ANKRD17: variants seen among roughly 807,000 people sequenced by gnomAD.
The protein encoded by ANKRD17 is ankyrin repeat domain 17.
Under a neutral mutation model 229.7 loss-of-function variants are expected in ANKRD17, and 19 were observed. The observed-to-expected ratio is 0.08, with a 90% CI of 0.06 to 0.12. The LOEUF is 0.12. Ranked by LOEUF, ANKRD17 falls within the 10% of genes least tolerant of loss-of-function variation. The pLI, the probability that ANKRD17 is intolerant of heterozygous loss-of-function variation, is 1.00. For synonymous variants in ANKRD17, 1,112 were observed against 1,146.1 expected, an observed-to-expected ratio of 0.97 and a Z score of 0.60; for missense variants, 2,176 against 3,176.8, an observed-to-expected ratio of 0.68 and a Z score of 7.57.
intron 29 of ANKRD17, among the ~76,000 whole-genome samples, chr4:73,088,136 A>T (rs113338731): frequency 1.3e-5 from 2 of 152,158 alleles, no homozygotes; most frequent in African/African-American, 4.8e-5. Flanking sequence ...TCAAAATACA[A>T]ACTATAAAAA....
intron 1 of ANKRD17, among the ~76,000 whole-genome samples, chr4:73,192,897 T>C (rs536360517): frequency 1.3e-5 from 2 of 152,274 alleles, no homozygotes; most frequent in East Asian, 3.9e-4. Flanking sequence ...TATGTTCTCT[T>C]CTTTTAATTC....
At chr4:73,208,081 C>T (rs966214614) in intron 1 of ANKRD17, among the ~76,000 whole-genome samples, 10 of 150,854 alleles carry the variant, frequency 6.6e-5, no homozygotes, top group African/African-American at 2.0e-4. Flanking sequence ...CCCAGCTACT[C>T]CGGAGGCTGA....
chr4:73,114,453 T>C (rs554129210), intron 23 of ANKRD17, among the ~76,000 whole-genome samples: 11 of 152,218 alleles, frequency 7.2e-5, no homozygotes, highest in East Asian at 3.9e-4. Context: ...AAAATTTTTA[T>C]TTATTTAATT....
intron 1 of ANKRD17, among the ~76,000 whole-genome samples, chr4:73,197,470 A>C (rs1213288353): frequency 1.3e-5 from 2 of 152,210 alleles, no homozygotes; most frequent in African/African-American, 2.4e-5. Flanking sequence ...TGTAATACAA[A>C]TACTAGCACA....
intron 1 of ANKRD17, among the ~76,000 whole-genome samples, chr4:73,220,379 T>A (rs1383334464): frequency 2.6e-5 from 4 of 152,150 alleles, no homozygotes; most frequent in Admixed American, 6.5e-5. Context: ...ATTATTTGAA[T>A]AAATGAAATA....
intron 6 of ANKRD17, among the ~76,000 whole-genome samples, chr4:73,153,633 G>T (rs1202532687): frequency 6.6e-6 from 1 of 152,040 alleles, no homozygotes; most frequent in Non-Finnish European, 1.5e-5. Flanking sequence ...CATATTAAAA[G>T]AACTGTTTCT....
rs532820932 is a variant in ANKRD17 at position 73,136,324 on chromosome 4, C to G, written c.3086-1059G>C. On this transcript the variant is annotated intron_variant, in intron 15 of 33. Coordinates refer to ENST00000358602, the MANE Select transcript of ANKRD17 (RefSeq NM_032217.5). Reference sequence around the variant, plus strand: ...TCAGACAGAAAACAATCATGATTCACAACTGGATCTGAAACCAGGCAAAAG... The same window carrying G: ...TCAGACAGAAAACAATCATGATTCAGAACTGGATCTGAAACCAGGCAAAAG... Among the ~76,000 whole-genome samples the G allele has an allele frequency of 1.0e-3, 153 of 152,178 alleles. 2 individuals are homozygous for G. The highest frequency in any genetic ancestry group is 3.5e-3 in the African/African-American group (147 of 41,534).
rs1339766863 is a variant in ANKRD17 at position 73,098,464 on chromosome 4, T to A, written c.4630A>T (p.Ile1544Leu). The A allele has an allele frequency of 6.2e-7, 1 of 1,614,146 alleles. No individual in the cohort carries two copies. Among genetic ancestry groups the A allele is most frequent in the East Asian group, 2.2e-5 (1 of 44,880 alleles). The change falls in exon 26 of 34, where the codon ATA (isoleucine) becomes TTA (leucine). Residue 1544 changes from isoleucine to leucine, a missense_variant. By Grantham distance (5) the Ile-to-Leu change is conservative (BLOSUM62 2). Coordinates refer to ENST00000358602, the MANE Select transcript of ANKRD17 (RefSeq NM_032217.5). ...GCCAAAGTTGTCCAGGTTGCAGATA[T>A]ACCTATGGTAGTAGTGGTTGTGGCA... Reference protein sequence around the residue: ...PSATTTTTIGISATWTTLAGS... With the variant: ...PSATTTTTIGLSATWTTLAGS...
At chr4:73,076,798 T>C in intron 33 of ANKRD17, 142 bp downstream of exon 33, 1 of 1,024,586 alleles carries the variant, frequency 9.8e-7, no homozygotes, top group Non-Finnish European at 1.4e-6. Context: ...CACAGCCCTC[T>C]GCTATATTGC....
Position 73,120,929 on chromosome 4 carries a change from C to G in ANKRD17, c.3801G>C (p.Val1267=). ...CTTTTCTATCAAGCAGAAGACTAAC[C>G]ACTTCAGTTCTTCCTTGGAAGCAGG... ...TLACFQGRTE[V]VSLLLDRKAN... is the part of the protein sequence containing the mutation. Residue 1267 remains valine, a synonymous_variant, in exon 20 of 34, where the codon GTG becomes GTC. Transcript: ENST00000358602. 6.2e-7 allele frequency: 1 copy of G among 1,613,450 alleles called. No homozygotes were observed. The highest frequency in any genetic ancestry group is 8.5e-7 in the Non-Finnish European group (1 of 1,179,812).
chr4:73,220,166 G>T (rs1346819329), intron 1 of ANKRD17, among the ~76,000 whole-genome samples: 1 of 152,048 alleles, frequency 6.6e-6, no homozygotes, highest in East Asian at 1.9e-4. Context: ...TTACAGGAAG[G>T]TCATCAAAAT....
intron 1 of ANKRD17, among the ~76,000 whole-genome samples, chr4:73,230,610 C>T (rs1335439192): frequency 2.0e-5 from 3 of 152,102 alleles, no homozygotes; most frequent in Non-Finnish European, 4.4e-5. Context: ...TCCCATTCTT[C>T]TCTAATCCAA....
At chr4:73,211,320 A>G (rs1740222368) in intron 1 of ANKRD17, among the ~76,000 whole-genome samples, 1 of 152,160 alleles carries the variant, frequency 6.6e-6, no homozygotes, top group Non-Finnish European at 1.5e-5. Flanking sequence ...ATAACAGGGT[A>G]TTAGGATACA....
At chr4:73,205,051 T>G (rs1055627854) in intron 1 of ANKRD17, among the ~76,000 whole-genome samples, 1 of 152,108 alleles carries the variant, frequency 6.6e-6, no homozygotes, top group Non-Finnish European at 1.5e-5. Context: ...GGGTGGCTCA[T>G]GCTTGTAATC....
rs568355911 is a variant in ANKRD17 at position 73,137,744 on chromosome 4, G to C, written c.3085+1787C>G. On this transcript the variant is annotated intron_variant, in intron 15 of 33. Coordinates refer to ENST00000358602, the MANE Select transcript of ANKRD17 (RefSeq NM_032217.5). Reference sequence around the variant, plus strand: ...CATAATAAAAAAGTAAAATATTTTTGTATTATGACAAGCATCTGTCATATT... The same window carrying C: ...CATAATAAAAAAGTAAAATATTTTTCTATTATGACAAGCATCTGTCATATT... 1.5e-4 allele frequency among the ~76,000 whole-genome samples: 23 copies of C among 152,136 alleles called. No individual in the cohort carries two copies. In the East Asian group the frequency reaches 4.3e-3, roughly 28 times the overall value.
chr4:73,191,275 TCAA>T (rs1737031101), intron 1 of ANKRD17, among the ~76,000 whole-genome samples: 1 of 150,546 alleles, frequency 6.6e-6, no homozygotes. Flanking sequence ...GACATACTGC[TCAA>T]CAAACTATTT....
At chr4:73,211,678 C>A (rs1266898798) in intron 1 of ANKRD17, among the ~76,000 whole-genome samples, 1 of 151,872 alleles carries the variant, frequency 6.6e-6, no homozygotes, top group Non-Finnish European at 1.5e-5. Flanking sequence ...GAAACCCCAT[C>A]TCTACTAAAA....
At chr4:73,076,333 A>T in intron 33 of ANKRD17, 43 bp from the exon 34 acceptor site, 1 of 1,420,990 alleles carries the variant, frequency 7.0e-7, no homozygotes, top group Non-Finnish European at 9.4e-7. Flanking sequence ...TATATCTAGC[A>T]TATATTTTAT....
At chr4:73,166,046 A>G (rs1190167680) in intron 2 of ANKRD17, among the ~76,000 whole-genome samples, 1 of 152,226 alleles carries the variant, frequency 6.6e-6, no homozygotes, top group African/African-American at 2.4e-5. Flanking sequence ...GAAATTTAAG[A>G]GATAATAAGT....
Sources: gnomAD v4.1 joint callset for allele counts (sites outside exome capture counted in the v4.1 genomes callset) on GRCh38, gnomAD v4.1.1 for gene constraint, MANE v1.5 for transcripts, NCBI Gene and HGNC (gene_info 2026-07-23, HGNC 2026-07-21) for gene names.